The following SLC35F4 variants were observed in gnomAD, a reference collection of about 807,000 sequenced individuals.
The protein encoded by SLC35F4 is solute carrier family 35 member F4, also known as chromosome 14 open reading frame 36.
A neutral mutation model predicts 44.2 loss-of-function variants in SLC35F4; 24 were observed. The observed-to-expected ratio is 0.54, with a 90% confidence interval of 0.39 to 0.76. The LOEUF is 0.76. SLC35F4 is among the 30% of genes least tolerant of loss of function. The pLI, the probability that SLC35F4 is intolerant of heterozygous loss-of-function variation, is 0.00. For missense variants in SLC35F4, 562 were observed against 586.1 expected (o/e 0.96, Z 0.42); for synonymous variants, 238 against 223.6 (o/e 1.06, Z -0.57).
intron 1 of SLC35F4, among the ~76,000 whole-genome samples, chr14:57,800,075 G>C (rs764877582): frequency 1.3e-5 from 2 of 152,184 alleles, no homozygotes; most frequent in African/African-American, 4.8e-5. Flanking sequence ...CTCCCAACAG[G>C]GGTCTCTAGC....
chr14:57,770,670 C>T (rs2077342184), intron 1 of SLC35F4, among the ~76,000 whole-genome samples: 2 of 152,102 alleles, frequency 1.3e-5, no homozygotes, highest in African/African-American at 4.8e-5. Context: ...GGGTGGGCAA[C>T]TGGGATTTGC....
intron 1 of SLC35F4, among the ~76,000 whole-genome samples, chr14:57,927,631 C>T (rs1889606604): frequency 6.6e-6 from 1 of 151,900 alleles, no homozygotes; most frequent in Non-Finnish European, 1.5e-5. Flanking sequence ...GCTGGGATTA[C>T]AGGCACCTGC....
At chr14:57,591,744 A>G (rs1167469188) in intron 2 of SLC35F4, among the ~76,000 whole-genome samples, 1 of 152,216 alleles carries the variant, frequency 6.6e-6, no homozygotes, top group African/African-American at 2.4e-5. Context: ...TCCTGGCAGG[A>G]ATGGCAGTCC....
At chr14:57,714,541 CTGAAGTG>C (rs2075891164) in intron 1 of SLC35F4, among the ~76,000 whole-genome samples, 1 of 151,964 alleles carries the variant, frequency 6.6e-6, no homozygotes, top group Non-Finnish European at 1.5e-5. Context: ...ATAAATTGCC[CTGAAGTG>C]TTTGTTTTTC....
At chr14:57,616,596 G>T (rs1419142000) in intron 1 of SLC35F4, among the ~76,000 whole-genome samples, 1 of 152,096 alleles carries the variant, frequency 6.6e-6, no homozygotes, top group Non-Finnish European at 1.5e-5. Flanking sequence ...GGGCTGGTTG[G>T]GTCTTCCCAG....
intron 1 of SLC35F4, among the ~76,000 whole-genome samples, chr14:57,620,011 G>A (rs2072085534): frequency 1.3e-5 from 2 of 151,938 alleles, no homozygotes; most frequent in South Asian, 2.1e-4. Context: ...GAAAAGAAAT[G>A]AAAAAAGCCT....
chr14:57,933,020 G>C (rs891335745), intron 1 of SLC35F4, among the ~76,000 whole-genome samples: 2 of 151,090 alleles, frequency 1.3e-5, no homozygotes, highest in Non-Finnish European at 2.9e-5. Flanking sequence ...GTTAATAAGG[G>C]AAAGTTCTCT....
At chr14:57,758,169 A>G (rs941526398) in intron 1 of SLC35F4, among the ~76,000 whole-genome samples, 2 of 151,892 alleles carry the variant, frequency 1.3e-5, no homozygotes, top group South Asian at 2.1e-4. Context: ...GGCTGCTTTT[A>G]GATTTTCTCT....
intron 1 of SLC35F4, among the ~76,000 whole-genome samples, chr14:57,719,701 T>C (rs2076035701): frequency 6.6e-6 from 1 of 152,172 alleles, no homozygotes; most frequent in African/African-American, 2.4e-5. Context: ...TCAGTTCTAA[T>C]AGTTTTTTGG....
chr14:57,716,403 T>C (rs1322569868), intron 1 of SLC35F4, among the ~76,000 whole-genome samples: 1 of 152,166 alleles, frequency 6.6e-6, no homozygotes, highest in Non-Finnish European at 1.5e-5. Context: ...ACCTTGGCGA[T>C]GACCTTGAGC....
chr14:57,980,411 T>C (rs1881341883), intron 1 of SLC35F4, among the ~76,000 whole-genome samples: 1 of 152,144 alleles, frequency 6.6e-6, no homozygotes, highest in African/African-American at 2.4e-5. Flanking sequence ...TCTGGTGGGG[T>C]CCTGCCGAGG....
chr14:57,954,134 C>A (rs1013982452), intron 1 of SLC35F4, among the ~76,000 whole-genome samples: 13 of 152,158 alleles, frequency 8.5e-5, no homozygotes, highest in African/African-American at 3.1e-4. Flanking sequence ...CACTCAAAAC[C>A]ACACAACTAC....
At chr14:57,620,506 C>A (rs1053716279) in intron 1 of SLC35F4, among the ~76,000 whole-genome samples, 2 of 152,164 alleles carry the variant, frequency 1.3e-5, no homozygotes, top group Admixed American at 6.5e-5. Context: ...ATTCTGTCAC[C>A]ACCAGGCCTG....
At chr14:57,657,506 C>G (rs10483688) in intron 1 of SLC35F4, among the ~76,000 whole-genome samples, 9,226 of 152,186 alleles carry the variant, frequency 0.061, 417 homozygotes, top group South Asian at 0.094. Flanking sequence ...TCACAGTAAA[C>G]GTTGCTAGAA....
chr14:57,730,995 A>T (rs1092020), intron 1 of SLC35F4, among the ~76,000 whole-genome samples: 16,825 of 152,222 alleles, frequency 0.11, 1,274 homozygotes, highest in Middle Eastern at 0.18. Flanking sequence ...CCAAGGGAGA[A>T]TATTATATTT....
chr14:57,887,724 G>A (rs1888679459), intron 1 of SLC35F4, among the ~76,000 whole-genome samples: 1 of 151,846 alleles, frequency 6.6e-6, no homozygotes, highest in Admixed American at 6.5e-5. Flanking sequence ...AGTGTCAGAG[G>A]CAAGGTAAGG....
intron 1 of SLC35F4, among the ~76,000 whole-genome samples, chr14:57,768,834 T>A (rs1286366299): frequency 2.6e-5 from 4 of 151,898 alleles, no homozygotes; most frequent in African/African-American, 7.3e-5. Flanking sequence ...CTCACTACAA[T>A]CTCTGCCTCC....
rs114028770 is a variant in SLC35F4 at position 57,771,832 on chromosome 14, A to G, written c.103+93891T>C. On this transcript the variant is annotated intron_variant, in intron 1 of 7. Coordinates refer to ENST00000556826, the MANE Select transcript of SLC35F4 (RefSeq NM_001306087.2). ...TGGTTTTGAACGCCTGCGCTCAAGC[A>G]CTCTTTCTGCTTTGGCCTCCCAAAG... 3.5e-3 allele frequency among the ~76,000 whole-genome samples: 527 copies of G among 151,944 alleles called. 4 individuals are homozygous for G. The highest frequency in any genetic ancestry group is 0.012 in the African/African-American group (504 of 41,426).
At chr14:57,697,776 T>C (rs2075425154) in intron 1 of SLC35F4, among the ~76,000 whole-genome samples, 1 of 152,088 alleles carries the variant, frequency 6.6e-6, no homozygotes. Flanking sequence ...AAGTTAACAG[T>C]CTGACATTTC....
Sources: gnomAD v4.1 joint callset for allele counts (sites outside exome capture counted in the v4.1 genomes callset) on GRCh38, gnomAD v4.1.1 for gene constraint, MANE v1.5 for transcripts, NCBI Gene and HGNC (gene_info 2026-07-23, HGNC 2026-07-21) for gene names.